The following CFAP54 variants were observed in gnomAD, a reference collection of about 807,000 sequenced individuals.
CFAP54 encodes the protein cilia and flagella associated protein 54.
A neutral mutation model predicts 370.4 loss-of-function variants in CFAP54; 290 were observed. The observed-to-expected ratio is 0.78, with a 90% CI of 0.71 to 0.86. The LOEUF (loss-of-function observed/expected upper bound fraction) is 0.86. Among genes scored for constraint, CFAP54 ranks in the 40% least tolerant of loss-of-function variants. The pLI, the probability that CFAP54 is intolerant of heterozygous loss-of-function variation, is 0.00. For missense variants in CFAP54, 3,399 were observed against 3,528.7 expected (o/e 0.96, Z 0.93); for synonymous variants, 1,206 against 1,236.5 (o/e 0.98, Z 0.52).
chr12:96,859,242 T>G (rs1283086084), intron 66 of CFAP54, among the ~76,000 whole-genome samples: 2 of 152,198 alleles, frequency 1.3e-5, no homozygotes, highest in African/African-American at 4.8e-5. Context: ...TTATACCATA[T>G]ACAAAAATCA....
At chr12:96,697,310 A>C (rs1338113396) in intron 45 of CFAP54, among the ~76,000 whole-genome samples, 1 of 152,192 alleles carries the variant, frequency 6.6e-6, no homozygotes, top group Admixed American at 6.5e-5. Context: ...AACTAACCAC[A>C]TACAGATATG....
intron 4 of CFAP54, among the ~76,000 whole-genome samples, chr12:96,512,321 A>ATG (rs1955180276): frequency 6.0e-5 from 2 of 33,440 alleles, no homozygotes; most frequent in East Asian, 6.0e-4. Context: ...ATATATATAT[A>ATG]TATATATATA....
chr12:96,847,187 A>AT (rs1365463839), intron 66 of CFAP54, among the ~76,000 whole-genome samples: 1 of 152,208 alleles, frequency 6.6e-6, no homozygotes, highest in African/African-American at 2.4e-5. Context: ...AAAGAGATGC[A>AT]TAGGGCAGAG....
chr12:96,843,146 A>C (rs1959241638), intron 66 of CFAP54, among the ~76,000 whole-genome samples: 1 of 152,238 alleles, frequency 6.6e-6, no homozygotes, highest in Non-Finnish European at 1.5e-5. Context: ...TGCAGACTTT[A>C]GTTCATATTC....
rs954196693 is a variant in CFAP54 at position 96,517,766 on chromosome 12, G to A, written c.799-1162G>A. On this transcript the variant is annotated intron_variant, in intron 5 of 67. Coordinates refer to ENST00000524981, the MANE Select transcript of CFAP54 (RefSeq NM_001306084.2). Reference sequence around the variant, plus strand: ...TGTGGTCTAGCCATACACCCTGAAAGGATGCTGGCAACCTGGGGTAAAGCC... The same window carrying A: ...TGTGGTCTAGCCATACACCCTGAAAAGATGCTGGCAACCTGGGGTAAAGCC... Among the ~76,000 whole-genome samples, 65 of 152,230 alleles carry A rather than the reference G, an allele frequency of 4.3e-4. 2 individuals carry two copies. Among genetic ancestry groups the A allele is most frequent in the Non-Finnish European group, 1.0e-4 (7 of 68,040 alleles).
chr12:96,863,154 TG>T (rs1959918644), intron 67 of CFAP54, among the ~76,000 whole-genome samples: 1 of 10,160 alleles, frequency 9.8e-5, no homozygotes, highest in South Asian at 6.8e-3. Context: ...CTATATTTGT[TG>T]GATGGATGGA....
At chr12:96,793,441 C>T (rs577531307) in intron 63 of CFAP54, among the ~76,000 whole-genome samples, 18 of 151,864 alleles carry the variant, frequency 1.2e-4, no homozygotes, top group Non-Finnish European at 2.1e-4. Flanking sequence ...TTTCTTTATC[C>T]ACTCACTGAT....
intron 66 of CFAP54, among the ~76,000 whole-genome samples, chr12:96,852,936 G>A (rs1959591985): frequency 6.6e-6 from 1 of 152,120 alleles, no homozygotes; most frequent in Non-Finnish European, 1.5e-5. Flanking sequence ...AAAACATACC[G>A]GAACAGCCAC....
Position 96,489,843 on chromosome 12 carries a change from G to A in CFAP54, c.234G>A (p.Glu78=). 2.0e-6 allele frequency: 3 copies of A among 1,536,166 alleles called. No homozygotes were observed. The highest frequency in any genetic ancestry group is 2.6e-6 in the Non-Finnish European group (3 of 1,146,922). ...KNPLLASCEK[E]IQELLGFMRK... is the part of the protein sequence containing the mutation. ...CGCTCCTGGCCTCTTGTGAGAAGGA[G>A]ATCCAGGAGTTGTTAGGCTTTATGA... is the stretch of plus-strand genomic sequence containing the variant. The change falls in exon 1 of 68, where the codon GAG becomes GAA. Residue 78 remains glutamate (E), a synonymous_variant. Coordinates refer to ENST00000524981, the MANE Select transcript of CFAP54 (RefSeq NM_001306084.2).
chr12:96,499,315 A>G (rs1186607892), intron 1 of CFAP54, among the ~76,000 whole-genome samples: 1 of 152,194 alleles, frequency 6.6e-6, no homozygotes, highest in African/African-American at 2.4e-5. Flanking sequence ...AGACCTTAAC[A>G]GACACCTCAC....
rs545020674 is a variant in CFAP54 at position 96,580,656 on chromosome 12, A to T, written c.2856A>T (p.Leu952=). Residue 952 remains leucine (L), a synonymous_variant, in exon 21 of 68, where the codon CTA becomes CTT. Transcript: ENST00000524981. ...KAEGSYGKVR[L]NNNHLPNSGE... ...AAGGAAGTTATGGAAAAGTACGGCT[A>T]AACAATAATCATCTCCCAAATTCAG... The T allele has an allele frequency of 6.5e-7, 1 of 1,528,294 alleles. No homozygotes were observed. Among genetic ancestry groups the T allele is most frequent in the East Asian group, 2.5e-5 (1 of 40,568 alleles). The allele number at this position is 1,528,294 out of a possible 1,614,324, so 94.7% of individuals were successfully genotyped here.
chr12:96,820,177 T>A (rs2136739744), intron 65 of CFAP54, among the ~76,000 whole-genome samples: 1 of 152,302 alleles, frequency 6.6e-6, no homozygotes, highest in South Asian at 2.1e-4. Flanking sequence ...TCTACCCATC[T>A]CTCCTGCTTT....
At chr12:96,752,085 T>TGAGAGAGAGAGAGAGAGAGAGAGAGA (rs55648812) in intron 55 of CFAP54, among the ~76,000 whole-genome samples, 3 of 90,622 alleles carry the variant, frequency 3.3e-5, no homozygotes, top group Non-Finnish European at 4.5e-5. Context: ...TCTTCCTGGA[T>TGAGAGAGAGAGAGAGAGAGAGAGAGA]GAGAGAGAGA....
intron 55 of CFAP54, among the ~76,000 whole-genome samples, chr12:96,746,018 C>G (rs11108667): frequency 0.37 from 56,664 of 151,904 alleles, 10,865 homozygotes; most frequent in Middle Eastern, 0.41. Context: ...ATGACTCCAG[C>G]CTCCTTCTGC....
At chr12:96,501,701 G>C (rs991214856) in intron 2 of CFAP54, among the ~76,000 whole-genome samples, 4 of 152,154 alleles carry the variant, frequency 2.6e-5, no homozygotes, top group Non-Finnish European at 4.4e-5. Context: ...TCAATCTTCA[G>C]TTTCTCAACT....
chr12:96,599,557 A>G (rs1055308797), intron 26 of CFAP54, among the ~76,000 whole-genome samples: 1 of 152,132 alleles, frequency 6.6e-6, no homozygotes, highest in Non-Finnish European at 1.5e-5. Flanking sequence ...TGGTATTTCT[A>G]GTTCTAGATC....
At position 96,548,164 on chromosome 12, in the gene CFAP54, A is replaced by G. The variant is rs147208478; in HGVS notation, c.2154+186A>G. On this transcript the variant is annotated intron_variant, in intron 15 of 67. Transcript: ENST00000524981. Reference sequence around the variant, plus strand: ...TCTACCTTTTATGAAGAATATTGTAATGAAGCCCCATTATAATTTACCATT... The same window carrying G: ...TCTACCTTTTATGAAGAATATTGTAGTGAAGCCCCATTATAATTTACCATT... Among the ~76,000 whole-genome samples the G allele has an allele frequency of 4.4e-3, 665 of 152,238 alleles. 8 individuals are homozygous for G. Among genetic ancestry groups the G allele is most frequent in the African/African-American group, 0.015 (623 of 41,544 alleles).
intron 45 of CFAP54, among the ~76,000 whole-genome samples, chr12:96,695,707 G>A (rs1313809510): frequency 2.0e-5 from 3 of 152,082 alleles, no homozygotes; most frequent in Non-Finnish European, 2.9e-5. Context: ...ATTAACTATT[G>A]AATTTAAAAT....
intron 14 of CFAP54, among the ~76,000 whole-genome samples, chr12:96,544,878 C>T (rs1202949816): frequency 6.6e-6 from 1 of 151,324 alleles, no homozygotes; most frequent in African/African-American, 2.4e-5. Flanking sequence ...TGATAGGGGG[C>T]TGAGGAAGCT....
Sources: allele counts gnomAD v4.1 joint callset (sites outside exome capture counted in the v4.1 genomes callset), GRCh38; gene constraint gnomAD v4.1.1; transcripts MANE v1.5; gene names NCBI Gene and HGNC (gene_info 2026-07-23, HGNC 2026-07-21).